The following SMG1 variants were observed in gnomAD, a reference collection of about 807,000 sequenced individuals.
SMG1 encodes SMG1 nonsense mediated mRNA decay associated PI3K related kinase.
A neutral mutation model predicts 419.9 loss-of-function variants in SMG1; 22 were observed. The observed-to-expected ratio is 0.05, with a 90% CI of 0.04 to 0.07. The LOEUF (loss-of-function observed/expected upper bound fraction) is 0.07. SMG1 is among the 10% of genes least tolerant of loss of function. The pLI is 1.00. For missense variants in SMG1, 3,185 were observed against 4,342.0 expected (o/e 0.73, Z 7.49); for synonymous variants, 1,538 against 1,553.5 (o/e 0.99, Z 0.23).
chr16:18,906,182 C>T (rs2037553697), intron 1 of SMG1, among the ~76,000 whole-genome samples: 1 of 134,462 alleles, frequency 7.4e-6, no homozygotes. Flanking sequence ...TTCTACTTCA[C>T]CAACAAAAAA....
chr16:18,897,881 T>C (rs1181380069), intron 1 of SMG1, among the ~76,000 whole-genome samples: 1 of 151,574 alleles, frequency 6.6e-6, no homozygotes, highest in Non-Finnish European at 1.5e-5. Flanking sequence ...GATTTTCTCC[T>C]GAGAGGAACA....
At chr16:18,809,751 C>CTCTA in intron 62 of SMG1, 105 bp from the exon 63 acceptor site, 1 of 791,796 alleles carries the variant, frequency 1.3e-6, no homozygotes, top group South Asian at 1.5e-5. Context: ...GTGCAAAGGA[C>CTCTA]TCTATACTTA....
Position 18,830,241 on chromosome 16 carries a change from G to A in SMG1, c.8921C>T (p.Ala2974Val), listed in dbSNP as rs373077784. 2 of 1,613,726 alleles carry A rather than the reference G, an allele frequency of 1.2e-6. No homozygotes were observed. Among genetic ancestry groups the A allele is most frequent in the African/African-American group, 1.3e-5 (1 of 74,890 alleles). ...TACCTTTTCAACTAATAAGCTGAAA[G>A]CAGTTTCAACTTGAGCAAACATGCC... ...FDGMFAQVET[A>V]FSLLVEKLNK... Residue 2974 changes from alanine (A) to valine (V), a missense_variant, in exon 52 of 63, where the codon GCT (alanine) becomes GTT (valine). Ala to Val is a moderately conservative substitution (Grantham distance 64). Transcript: ENST00000446231.
chr16:18,840,487 C>G (rs1301629526), intron 41 of SMG1, among the ~76,000 whole-genome samples: 1 of 152,166 alleles, frequency 6.6e-6, no homozygotes, highest in Non-Finnish European at 1.5e-5. Context: ...CTACCCTTAT[C>G]AAAAGCATTT....
At chr16:18,893,208 C>T (rs1187817593) in intron 3 of SMG1, among the ~76,000 whole-genome samples, 1 of 152,230 alleles carries the variant, frequency 6.6e-6, no homozygotes, top group Non-Finnish European at 1.5e-5. Context: ...TATCATCTAC[C>T]ACATGCAAGG....
At chr16:18,811,714 T>C in intron 62 of SMG1, 47 bp downstream of exon 62, 2 of 1,506,414 alleles carry the variant, frequency 1.3e-6, no homozygotes, top group Non-Finnish European at 1.8e-6. Context: ...CACCTCTACT[T>C]TTCCAGCAGC....
rs2035880535 is a variant in SMG1 at position 18,872,546 on chromosome 16, A to C, written c.1969T>G (p.Phe657Val). ...MIVHSDLAVH[F>V]PAIQYAVLYT... ...AGCACAGCATACTGAATGGCAGGGA[A>C]GTGAACAGCCAGGTCACTGTGCACA... Residue 657 changes from phenylalanine (F) to valine (V), a missense_variant, in exon 14 of 63, where the codon TTC becomes GTC. Phe to Val is a conservative substitution (Grantham distance 50). Around this residue, in one of 27 missense-constraint regions of SMG1, gnomAD observed 297 missense variants for 491.0 expected, o/e 0.60. Transcript: ENST00000446231. 1 of 1,521,314 alleles carries C rather than the reference A, an allele frequency of 6.6e-7. No individual in the cohort carries two copies. The highest frequency in any genetic ancestry group is 1.4e-5 in the African/African-American group (1 of 72,504). 94.2% of individuals were successfully genotyped at this position (1,521,314 alleles called of 1,614,324 possible).
At chr16:18,922,261 TGGCAATGATA>T (rs1345209304) in intron 1 of SMG1, among the ~76,000 whole-genome samples, 11 of 152,306 alleles carry the variant, frequency 7.2e-5, no homozygotes, top group African/African-American at 1.9e-4. Flanking sequence ...CTTTAGCTAT[TGGCAATGATA>T]GGTCATTTTT....
At chr16:18,820,104 T>C (rs2032384855) in intron 55 of SMG1, among the ~76,000 whole-genome samples, 1 of 152,172 alleles carries the variant, frequency 6.6e-6, no homozygotes, top group Admixed American at 6.6e-5. Flanking sequence ...TAGCTGGGAC[T>C]ACAGGCACCT....
At chr16:18,831,162 A>G (rs563131745) in intron 51 of SMG1, among the ~76,000 whole-genome samples, 2 of 152,352 alleles carry the variant, frequency 1.3e-5, no homozygotes, top group African/African-American at 4.8e-5. Context: ...AGACTTACAT[A>G]GTGCTTATGT....
chr16:18,855,043 AG>A lies in SMG1; in HGVS notation c.4235-140del, dbSNP rs567775363. 659 of 762,556 alleles carry A rather than the reference AG, an allele frequency of 8.6e-4. 12 individuals carry two copies. The South Asian group carries it at 0.011, about 13-fold the overall frequency. 47.2% of individuals were successfully genotyped at this position (762,556 alleles called of 1,614,324 possible). A position where few individuals can be genotyped will look rare whatever the true frequency, so the allele number is the denominator to read the frequency against. On this transcript the variant is annotated intron_variant, in intron 29 of 62. Coordinates refer to ENST00000446231, the MANE Select transcript of SMG1 (RefSeq NM_015092.5). ...AAAGATAACTCATCCTCAAATCCCT[AG>A]CAGCTAGCACAGTGCTTGAGATACA...
In SMG1 at chr16:18,829,709, C is replaced by G. The variant is rs1162261497; in HGVS notation, c.9180G>C (p.Gln3060His). 6 of 1,613,220 alleles carry G rather than the reference C, an allele frequency of 3.7e-6. No homozygotes were observed. Among genetic ancestry groups the G allele is most frequent in the Non-Finnish European group, 5.1e-6 (6 of 1,179,312 alleles). ...TAAAAAGGGTTTTCACATTGACAAT[C>G]TGTACAGGCCCATTCACAGTATTCT... ...EDQNTVNGPV[Q>H]IVNVKTLFRN... Residue 3060 changes from glutamine to histidine, a missense_variant, in exon 54 of 63, where the codon CAG becomes CAC. Gln to His is a conservative substitution (Grantham distance 24). This residue lies in a region of SMG1 where 737 missense variants were observed against 846.6 expected (regional missense o/e 0.87). Coordinates refer to ENST00000446231, the MANE Select transcript of SMG1 (RefSeq NM_015092.5).
chr16:18,879,375 A>C (rs948491565), intron 11 of SMG1, 120 bp downstream of exon 11: 11 of 870,332 alleles, frequency 1.3e-5, no homozygotes, highest in Admixed American at 2.1e-5. Flanking sequence ...TTGGCCTCCC[A>C]AAGTGCTGGG....
intron 1 of SMG1, chr16:18,900,036 C>T (rs1394445492): frequency 6.6e-7 from 1 of 1,524,710 alleles, no homozygotes; most frequent in Non-Finnish European, 8.8e-7. Flanking sequence ...TGTTTTGCAT[C>T]AAGTCAATCT....
intron 3 of SMG1, among the ~76,000 whole-genome samples, chr16:18,894,679 T>TAAAA (rs34559113): frequency 2.5e-5 from 3 of 121,220 alleles, no homozygotes; most frequent in Non-Finnish European, 3.4e-5. Flanking sequence ...CACACAGTAT[T>TAAAA]AAAAAAAAAA....
At chr16:18,842,493 T>G (rs764492206) in intron 39 of SMG1, 39 bp from the exon 40 acceptor site, 40 of 1,581,416 alleles carry the variant, frequency 2.5e-5, no homozygotes, top group Non-Finnish European at 3.4e-5. Context: ...TTACATTACA[T>G]TAGAACACTT....
At chr16:18,811,185 T>C (rs971341531) in intron 62 of SMG1, among the ~76,000 whole-genome samples, 1 of 152,126 alleles carries the variant, frequency 6.6e-6, no homozygotes, top group African/African-American at 2.4e-5. Context: ...AATGAGGAAC[T>C]TGGTGGTGGG....
chr16:18,911,757 T>C (rs2037801038), intron 1 of SMG1: 1 of 151,974 alleles, frequency 6.6e-6, no homozygotes, highest in African/African-American at 2.4e-5. Context: ...CTCCCTAAGA[T>C]AAATATCTGT....
chr16:18,820,347 T>A (rs2032412880), intron 55 of SMG1, among the ~76,000 whole-genome samples: 1 of 151,694 alleles, frequency 6.6e-6, no homozygotes, highest in Admixed American at 6.6e-5. Flanking sequence ...GGACAAGAGG[T>A]GCGTGCCACC....
Sources: allele counts gnomAD v4.1 joint callset (sites outside exome capture counted in the v4.1 genomes callset), GRCh38; gene constraint gnomAD v4.1.1; regional missense constraint gnomAD v4.1.1; transcripts MANE v1.5; gene names NCBI Gene and HGNC (gene_info 2026-07-23, HGNC 2026-07-21).